ZNF174: variants seen among roughly 807,000 people sequenced by gnomAD.
ZNF174 encodes the protein AW-1.
ZNF174 carries 30 observed loss-of-function variants against 38.7 expected under a neutral mutation model. That is an observed-to-expected ratio of 0.78 (90% CI 0.58 to 1.05). The LOEUF is 1.05. ZNF174 is among the 50% of genes least tolerant of loss of function. The probability of loss-of-function intolerance (pLI) is 0.00; values close to 1 mark genes in which losing one functional copy is unlikely to be tolerated. For synonymous variants in ZNF174, 201 were observed against 181.7 expected (o/e 1.11, Z -0.86); for missense variants, 499 against 495.6 (o/e 1.01, Z -0.06).
chr16:3,405,044 T>C, intron 2 of ZNF174: 2 of 1,591,784 alleles, frequency 1.3e-6, no homozygotes, highest in Non-Finnish European at 1.7e-6. Context: ...CTATATCTTA[T>C]ATCTTTGTCC....
intron 1 of ZNF174, among the ~76,000 whole-genome samples, chr16:3,403,344 A>G (rs1246058706): frequency 1.3e-5 from 2 of 149,584 alleles, no homozygotes; most frequent in Non-Finnish European, 3.0e-5. Flanking sequence ...TAATTTTTGT[A>G]CTTTTTAGTA....
intron 2 of ZNF174, 100 bp downstream of exon 2, chr16:3,404,748 T>C: frequency 6.5e-7 from 1 of 1,528,526 alleles, no homozygotes; most frequent in South Asian, 1.1e-5. Flanking sequence ...TGTGTTTTTT[T>C]AAATGTTATA....
At chr16:3,402,582 C>T (rs1158244583) in intron 1 of ZNF174, among the ~76,000 whole-genome samples, 176 bp downstream of exon 1, 2 of 151,846 alleles carry the variant, frequency 1.3e-5, no homozygotes, top group Non-Finnish European at 2.9e-5. Context: ...CCTCAGCCTC[C>T]CGAGTAGCTG....
intron 2 of ZNF174, chr16:3,404,908 G>C (rs1222083975): frequency 6.2e-7 from 1 of 1,613,722 alleles, no homozygotes; most frequent in East Asian, 2.2e-5. Context: ...GTCCGTTTCA[G>C]AACTTCTTAT....
intron 1 of ZNF174, among the ~76,000 whole-genome samples, chr16:3,404,093 G>C (rs954914270): frequency 3.3e-5 from 5 of 152,148 alleles, no homozygotes; most frequent in Admixed American, 6.5e-5. Context: ...AGAAGTAGGT[G>C]GGGGGTGGTG....
rs536730669 is a variant in ZNF174, at chr16:3,402,434, G to A, written c.402+28G>A. On this transcript the variant is annotated intron_variant, in intron 1 of 2. Transcript: ENST00000268655. ...AAGGAGGGTCCTCTCCCATCATCCTGGGGATTTCTTTTTCTTTTCTTTTTT... is the reference window on the plus strand; with the variant it reads ...AAGGAGGGTCCTCTCCCATCATCCTAGGGATTTCTTTTTCTTTTCTTTTTT... 13 of 1,558,728 alleles carry A rather than the reference G, an allele frequency of 8.3e-6. No individual in the cohort carries two copies. In the East Asian group the frequency reaches 2.5e-4, roughly 30 times the overall value.
rs56903674 is a variant in ZNF174, at chr16:3,402,453, C to CTTTT, written c.402+59_402+62dup. On this transcript the variant is annotated intron_variant, in intron 1 of 2. Transcript: ENST00000268655. ...CATCCTGGGGATTTCTTTTTCTTTT[C>CTTTT]TTTTTTTTTTTTTTTCTTTTTTTGA... 4,701 of 1,291,744 alleles carry CTTTT rather than the reference C, an allele frequency of 3.6e-3. 1 individual carries two copies. The highest frequency in any genetic ancestry group is 6.8e-3 in the East Asian group (256 of 37,564). The allele number at this position is 1,291,744 out of a possible 1,614,324, so 80.0% of individuals were successfully genotyped here.
chr16:3,404,418 G>T lies in ZNF174; in HGVS notation c.403-8G>T. ...TGGATGGAATTAATGGATGGGGCTT[G>T]TTCCTAGGTGGCCGTTTGTATGCAG... On this transcript the variant is annotated splice_polypyrimidine_tract_variant and splice_region_variant and intron_variant, in intron 1 of 2. Transcript: ENST00000268655. 6.3e-7 allele frequency: 1 copy of T among 1,596,338 alleles called. No homozygotes were observed. Among genetic ancestry groups the T allele is most frequent in the Non-Finnish European group, 8.6e-7 (1 of 1,168,604 alleles).
chr16:3,404,978 T>G (rs550054091), intron 2 of ZNF174: 1 of 1,614,158 alleles, frequency 6.2e-7, no homozygotes, highest in East Asian at 2.2e-5. Flanking sequence ...TGGCTGAGTT[T>G]CATTGCTTAA....
chr16:3,408,321 A>G lies in ZNF174; in HGVS notation c.626A>G (p.Glu209Gly), dbSNP rs2034081452. ...QEPTPKLAGTEAPRMRSDNKE... is the reference protein window; with the variant it reads ...QEPTPKLAGTGAPRMRSDNKE... ...TGAAGCATTTTCTTTCTAATTATAG[A>G]GGCCCCCAGAATGAGAAGTGACAAC... Residue 209 changes from glutamate to glycine, a missense_variant and splice_region_variant, in exon 3 of 3, where the codon GAG (glutamate) becomes GGG (glycine). Coordinates refer to ENST00000268655, the MANE Select transcript of ZNF174 (RefSeq NM_003450.3). The G allele has an allele frequency of 6.4e-7, 1 of 1,566,214 alleles. No individual in the cohort carries two copies. The highest frequency in any genetic ancestry group is 8.6e-7 in the Non-Finnish European group (1 of 1,159,420).
chr16:3,402,024 TAACTTTAAGCTCC>T lies in ZNF174; in HGVS notation c.24_36del (p.Ser10LysfsTer10). The T allele has an allele frequency of 3.7e-6, 6 of 1,612,416 alleles. No individual in the cohort carries two copies. The highest frequency in any genetic ancestry group is 5.1e-6 in the Non-Finnish European group (6 of 1,179,668). On this transcript the variant is annotated frameshift_variant, in exon 1 of 3. Transcript: ENST00000268655. LOFTEE classifies it high-confidence loss of function. The stretch of plus-strand genomic sequence containing the variant: ...CCCAAAATGGCAGCTAAAATGGAGA[TAACTTTAAGCTCC>T]AACACTGAAGCTTCCTCCAAGCAAG...
intron 1 of ZNF174, among the ~76,000 whole-genome samples, chr16:3,403,377 G>C (rs1462856791): frequency 6.6e-6 from 1 of 151,336 alleles, no homozygotes; most frequent in Non-Finnish European, 1.5e-5. Flanking sequence ...CACTATGTTG[G>C]CCAGGCTAGT....
chr16:3,404,739 G>A (rs1429439147), intron 2 of ZNF174, 91 bp downstream of exon 2: 2 of 1,552,248 alleles, frequency 1.3e-6, no homozygotes, highest in East Asian at 2.3e-5. Flanking sequence ...CCACATGTGT[G>A]TGTTTTTTTA....
At chr16:3,407,460 T>C (rs1325777348) in intron 2 of ZNF174, among the ~76,000 whole-genome samples, 3 of 152,232 alleles carry the variant, frequency 2.0e-5, no homozygotes, top group Non-Finnish European at 4.4e-5. Flanking sequence ...CAATTGACCC[T>C]GATTGTATAG....
rs200561612 is a variant in ZNF174, at chr16:3,401,985, G to A, written c.-20G>A. 4 of 1,609,094 alleles carry A rather than the reference G, an allele frequency of 2.5e-6. No homozygotes were observed. The highest frequency in any genetic ancestry group is 3.4e-6 in the Non-Finnish European group (4 of 1,179,030). ...GGCTTAACCCGTTTACAAGGAGAGA[G>A]TTGTCTCCTGACGCCCAAAATGGCA... On this transcript the variant is annotated 5_prime_UTR_variant, in exon 1 of 3. Transcript: ENST00000268655.
chr16:3,405,043 A>G (rs1256411425), intron 2 of ZNF174: 7 of 1,592,044 alleles, frequency 4.4e-6, no homozygotes, highest in Non-Finnish European at 6.0e-6. Context: ...CCTATATCTT[A>G]TATCTTTGTC....
chr16:3,408,008 C>T (rs577191873), intron 2 of ZNF174, among the ~76,000 whole-genome samples: 11 of 152,256 alleles, frequency 7.2e-5, no homozygotes, highest in Middle Eastern at 3.4e-3. Flanking sequence ...TTCTTCATTT[C>T]CTAAACCTTT....
In ZNF174 at chr16:3,409,064, A is replaced by C. The variant is rs2034093227; in HGVS notation, c.*145A>C. On this transcript the variant is annotated 3_prime_UTR_variant, in exon 3 of 3. Transcript: ENST00000268655. The stretch of plus-strand genomic sequence containing the variant: ...TGATGATGCACATTCTGCTGTGAGG[A>C]GGCCCAGAAAAGGCCAACCAGGGCC... The C allele has an allele frequency of 1.0e-6, 1 of 1,000,424 alleles. No homozygotes were observed. The highest frequency in any genetic ancestry group is 1.5e-6 in the Non-Finnish European group (1 of 684,346). The allele number at this position is 1,000,424 out of a possible 1,614,324, so 62.0% of individuals were successfully genotyped here.
intron 2 of ZNF174, among the ~76,000 whole-genome samples, chr16:3,405,297 C>T (rs950098846): frequency 3.3e-5 from 5 of 152,176 alleles, no homozygotes; most frequent in African/African-American, 4.8e-5. Flanking sequence ...TGAGGTACTT[C>T]GTGTTTTAGT....
Sources: gnomAD v4.1 joint callset for allele counts (sites outside exome capture counted in the v4.1 genomes callset) on GRCh38, gnomAD v4.1.1 for gene constraint, MANE v1.5 for transcripts, NCBI Gene and HGNC (gene_info 2026-07-23, HGNC 2026-07-21) for gene names.